Variants in TMEM62 observed in about 807,000 individuals in gnomAD.
The protein encoded by TMEM62 is transmembrane protein 62.
In TMEM62, 41 loss-of-function variants were observed where a neutral mutation model predicts 70.4. The ratio of observed to expected loss-of-function variants is 0.58; its 90% CI spans 0.45 to 0.76. TMEM62 has a LOEUF of 0.76. Among genes scored for constraint, TMEM62 ranks in the 30% least tolerant of loss-of-function variants. The pLI is 0.00. For synonymous variants in TMEM62, 268 were observed against 291.0 expected, an observed-to-expected ratio of 0.92 and a Z score of 0.80; for missense variants, 688 against 788.5, an observed-to-expected ratio of 0.87 and a Z score of 1.53.
chr15:43,140,794 G>GGT (rs1234621650), intron 4 of TMEM62, among the ~76,000 whole-genome samples: 1 of 152,164 alleles, frequency 6.6e-6, no homozygotes, highest in Admixed American at 6.5e-5. Context: ...TTCAGCAGGC[G>GGT]GTACATACAT....
chr15:43,178,518 A>G (rs1407694669), intron 11 of TMEM62, 89 bp from the exon 12 acceptor site: 2 of 754,140 alleles, frequency 2.7e-6, no homozygotes, highest in East Asian at 5.3e-5. Context: ...AATATATGGT[A>G]GATAGCCCAT....
intron 8 of TMEM62, 84 bp from the exon 9 acceptor site, chr15:43,154,588 C>A: frequency 1.6e-6 from 2 of 1,249,136 alleles, no homozygotes; most frequent in East Asian, 4.8e-5. Context: ...ACGTGTATAT[C>A]TGCAAGTTAC....
chr15:43,138,731 G>A, intron 4 of TMEM62, 112 bp downstream of exon 4: 2 of 918,338 alleles, frequency 2.2e-6, no homozygotes, highest in Non-Finnish European at 3.4e-6. Flanking sequence ...AGAGGCAGGG[G>A]TCTCGCTATT....
chr15:43,148,652 T>C (rs1596245654), intron 5 of TMEM62, 103 bp from the exon 6 acceptor site: 1 of 1,382,810 alleles, frequency 7.2e-7, no homozygotes, highest in Admixed American at 2.2e-5. Context: ...CCTAGACACA[T>C]ATAATAATTA....
intron 10 of TMEM62, among the ~76,000 whole-genome samples, chr15:43,167,467 G>C (rs965558269): frequency 4.0e-5 from 6 of 151,106 alleles, no homozygotes; most frequent in African/African-American, 1.5e-4. Flanking sequence ...CGGCAGAGAC[G>C]CTCCTCACAT....
chr15:43,160,297 G>A (rs531679145), intron 9 of TMEM62: 1 of 155,752 alleles, frequency 6.4e-6, no homozygotes, highest in South Asian at 2.0e-4. Context: ...GTACTTATAA[G>A]GCCAGCACTT....
intron 4 of TMEM62, chr15:43,146,054 T>G (rs1036775577): frequency 7.8e-5 from 12 of 153,176 alleles, no homozygotes; most frequent in Admixed American, 7.8e-4. Context: ...CTTGAAGACT[T>G]CATCTTTGCA....
chr15:43,141,779 A>G (rs1444611828), intron 4 of TMEM62, among the ~76,000 whole-genome samples: 2 of 152,266 alleles, frequency 1.3e-5, no homozygotes, highest in Non-Finnish European at 2.9e-5. Context: ...GGTTAAAATA[A>G]CAACATGAAC....
At chr15:43,161,608 G>GTGTATATATATATACACA (rs1233075038) in intron 10 of TMEM62, among the ~76,000 whole-genome samples, 3 of 152,022 alleles carry the variant, frequency 2.0e-5, no homozygotes, top group African/African-American at 7.3e-5. Flanking sequence ...ATATACACAT[G>GTGTATATATATATACACA]TGTATATATA....
At chr15:43,142,392 T>G (rs142265658) in intron 4 of TMEM62, among the ~76,000 whole-genome samples, 3,944 of 152,160 alleles carry the variant, frequency 0.026, 164 homozygotes, top group African/African-American at 0.088. Context: ...CTTGAACTCC[T>G]GACCTCGTGA....
intron 4 of TMEM62, among the ~76,000 whole-genome samples, chr15:43,139,467 G>T (rs1262471478): frequency 6.6e-6 from 1 of 152,232 alleles, no homozygotes; most frequent in Non-Finnish European, 1.5e-5. Flanking sequence ...AAATGATGAA[G>T]CTTGGTGAGG....
rs948959605 is a variant in TMEM62, at chr15:43,167,730, G to T, written c.1297-1863G>T. 5.3e-4 allele frequency among the ~76,000 whole-genome samples: 80 copies of T among 152,202 alleles called. 1 individual carries two copies. The highest frequency in any genetic ancestry group is 2.9e-5 in the Non-Finnish European group (2 of 68,040). On this transcript the variant is annotated intron_variant, in intron 10 of 13. Transcript: ENST00000260403. ...CACTTCCCAGACGGGGTGGCGGCCG[G>T]GTAGAGGCTGCAATCTCGGCACTTT...
At chr15:43,165,483 C>T (rs781403086) in intron 10 of TMEM62, among the ~76,000 whole-genome samples, 23 of 152,018 alleles carry the variant, frequency 1.5e-4, no homozygotes, top group African/African-American at 2.2e-4. Flanking sequence ...CCTGTAATCC[C>T]GGCACTTTGG....
At position 43,133,838 on chromosome 15, in the gene TMEM62, G is replaced by C. The variant is rs2034748221; in HGVS notation, c.36G>C (p.Gly12=). ...TGCTGGCTCTCAGGGTGGTCGCGGGGTTGGCGGCCGCAGCGCTGGTGGCCA... is the reference window on the plus strand; with the variant it reads ...TGCTGGCTCTCAGGGTGGTCGCGGGCTTGGCGGCCGCAGCGCTGGTGGCCA... ...AAVLALRVVA[G]LAAAALVAML... The change falls in exon 1 of 14, where the codon GGG becomes GGC. Residue 12 remains glycine (G), a synonymous_variant. Coordinates refer to ENST00000260403, the MANE Select transcript of TMEM62 (RefSeq NM_024956.4). The C allele has an allele frequency of 6.9e-7, 1 of 1,458,442 alleles. No individual in the cohort carries two copies. The highest frequency in any genetic ancestry group is 2.5e-5 in the Admixed American group (1 of 39,266). The allele number at this position is 1,458,442 out of a possible 1,614,324, so 90.3% of individuals were successfully genotyped here.
rs1319953720 is a variant in TMEM62 at position 43,181,169 on chromosome 15, TGCC to T, written c.1487-11_1487-9del. 6.5e-7 allele frequency: 1 copy of T among 1,547,418 alleles called. No homozygotes were observed. Among genetic ancestry groups the T allele is most frequent in the Non-Finnish European group, 8.9e-7 (1 of 1,119,726 alleles). On this transcript the variant is annotated splice_polypyrimidine_tract_variant and intron_variant, in intron 12 of 13. Coordinates refer to ENST00000260403, the MANE Select transcript of TMEM62 (RefSeq NM_024956.4). ...TTTAATCTCCTCCTTTTTTGTCCAT[TGCC>T]TCTTTTAGGTCCATGGTTTTTTGGT...
intron 9 of TMEM62, among the ~76,000 whole-genome samples, chr15:43,155,501 A>C (rs1033616796): frequency 3.3e-5 from 5 of 152,224 alleles, no homozygotes; most frequent in Admixed American, 3.3e-4. Context: ...ATCTCAAAAA[A>C]TAAATAAATA....
rs1296608721 is a variant in TMEM62 at position 43,184,196 on chromosome 15, T to C, written c.1606-64T>C. On this transcript the variant is annotated intron_variant, in intron 13 of 13. Transcript: ENST00000260403. ...GCATAGTCTTAGGATCCACTAATAA[T>C]GCATTATTAAGACCAAACTCTTCCA... The C allele has an allele frequency of 7.2e-6, 10 of 1,385,256 alleles. No homozygotes were observed. In the East Asian group the frequency reaches 1.6e-4, roughly 22 times the overall value. 85.8% of individuals were successfully genotyped at this position (1,385,256 alleles called of 1,614,324 possible). A position where few individuals can be genotyped will look rare whatever the true frequency, so the allele number is the denominator to read the frequency against.
Position 43,184,249 on chromosome 15 carries a change from T to C in TMEM62, c.1606-11T>C. Reference sequence around the variant, plus strand: ...GACTTGGGAGTAAGCTATGGTTCTGTTCTTTTCCAGCTGGCGTTTTTTAAC... The same window carrying C: ...GACTTGGGAGTAAGCTATGGTTCTGCTCTTTTCCAGCTGGCGTTTTTTAAC... On this transcript the variant is annotated splice_polypyrimidine_tract_variant and intron_variant, in intron 13 of 13. Coordinates refer to ENST00000260403, the MANE Select transcript of TMEM62 (RefSeq NM_024956.4). 6.2e-7 allele frequency: 1 copy of C among 1,607,526 alleles called. No individual in the cohort carries two copies. Among genetic ancestry groups the C allele is most frequent in the Non-Finnish European group, 8.5e-7 (1 of 1,176,536 alleles).
chr15:43,135,514 G>C lies in TMEM62; in HGVS notation c.295G>C (p.Asp99His). The change falls in exon 3 of 14, where the codon GAC becomes CAC. Residue 99 changes from aspartate (D) to histidine (H), a missense_variant and splice_region_variant. Transcript: ENST00000260403. Reference protein sequence around the residue: ...IQPALVLATGDLTDAKTKEQL... With the variant: ...IQPALVLATGHLTDAKTKEQL... ...TCAATTCTTGTGTAAACCTACAGGA[G>C]ACCTGACAGATGCCAAAACAAAGGA... 1.9e-6 allele frequency: 3 copies of C among 1,594,410 alleles called. No homozygotes were observed. Among genetic ancestry groups the C allele is most frequent in the Non-Finnish European group, 1.7e-6 (2 of 1,175,314 alleles).
Sources: allele counts gnomAD v4.1 joint callset (sites outside exome capture counted in the v4.1 genomes callset), GRCh38; gene constraint gnomAD v4.1.1; transcripts MANE v1.5; gene names NCBI Gene and HGNC (gene_info 2026-07-23, HGNC 2026-07-21).